The following ANK2 variants were observed in gnomAD, a reference collection of about 807,000 sequenced individuals.
ANK2 encodes ankyrin 2.
A neutral mutation model predicts 360.5 loss-of-function variants in ANK2; 83 were observed. The observed-to-expected ratio is 0.23, with a 90% CI of 0.19 to 0.28. ANK2 has a LOEUF of 0.28. ANK2 is among the 10% of genes least tolerant of loss of function. ANK2 has a pLI of 1.00. For synonymous variants in ANK2, 1,740 were observed against 1,759.5 expected (o/e 0.99, Z 0.28); for missense variants, 4,201 against 4,795.7 (o/e 0.88, Z 3.66).
intron 14 of ANK2, among the ~76,000 whole-genome samples, chr4:113,268,445 G>C (rs1423190217): frequency 6.6e-6 from 1 of 152,178 alleles, no homozygotes; most frequent in Non-Finnish European, 1.5e-5. Flanking sequence ...AGTTTATTGA[G>C]AGTTTTTAGC....
At chr4:113,255,505 A>T (rs1293309867) in intron 10 of ANK2, among the ~76,000 whole-genome samples, 1 of 152,210 alleles carries the variant, frequency 6.6e-6, no homozygotes. Context: ...TGCATGACAG[A>T]CATACTAATT....
the ANK2 span, among the ~76,000 whole-genome samples, chr4:112,728,636 T>C: frequency 1 from 152,195 of 152,224 alleles, 76,083 homozygotes; most frequent in Non-Finnish European, 1. Flanking sequence ...CCTGTGGTCT[T>C]AGCTACTCTG....
chr4:112,968,016 T>C (rs1240703951), intron 2 of ANK2, among the ~76,000 whole-genome samples: 1 of 152,032 alleles, frequency 6.6e-6, no homozygotes, highest in African/African-American at 2.4e-5. Flanking sequence ...TAAAATTAGA[T>C]GATTTTTATG....
intron 1 of ANK2, among the ~76,000 whole-genome samples, chr4:112,825,577 G>A (rs995904680): frequency 6.6e-6 from 1 of 152,186 alleles, no homozygotes; most frequent in African/African-American, 2.4e-5. Flanking sequence ...AGCAACTGTT[G>A]TAGGGGAGGA....
At chr4:113,232,280 G>C in intron 5 of ANK2, 21 bp downstream of exon 5, 1 of 1,515,958 alleles carries the variant, frequency 6.6e-7, no homozygotes, top group Non-Finnish European at 9.2e-7. Context: ...CAGCCCTAAA[G>C]CCTTGAATTC....
At chr4:113,317,210 G>A (rs2083383530) in intron 24 of ANK2, among the ~76,000 whole-genome samples, 1 of 152,186 alleles carries the variant, frequency 6.6e-6, no homozygotes, top group Non-Finnish European at 1.5e-5. Context: ...GTTTAGAGAG[G>A]AGGAGAAAGA....
intron 26 of ANK2, among the ~76,000 whole-genome samples, chr4:113,327,957 G>A (rs2090873493): frequency 6.6e-6 from 1 of 152,184 alleles, no homozygotes; most frequent in Non-Finnish European, 1.5e-5. Flanking sequence ...CTAACCTGTA[G>A]TTACTTAAAC....
intron 20 of ANK2, among the ~76,000 whole-genome samples, chr4:113,288,868 A>G (rs555484611): frequency 6.6e-5 from 10 of 152,106 alleles, no homozygotes; most frequent in Admixed American, 1.3e-4. Flanking sequence ...GTCAGCCTAG[A>G]CTGCGTGCCT....
At chr4:112,980,736 A>T (rs2042894840) in intron 2 of ANK2, among the ~76,000 whole-genome samples, 1 of 152,244 alleles carries the variant, frequency 6.6e-6, no homozygotes, top group African/African-American at 2.4e-5. Flanking sequence ...TATTTCTGTT[A>T]CTACAGCTGA....
intron 2 of ANK2, among the ~76,000 whole-genome samples, chr4:112,933,342 A>C (rs2154239339): frequency 6.6e-6 from 1 of 152,328 alleles, no homozygotes; most frequent in East Asian, 1.9e-4. Context: ...TTTCAAAATA[A>C]AAAATTAAAC....
At chr4:112,739,705 TCCTTGC>T in the ANK2 span, among the ~76,000 whole-genome samples, 1 of 152,184 alleles carries the variant, frequency 6.6e-6, no homozygotes, top group East Asian at 1.9e-4. Context: ...AGCAATTTCC[TCCTTGC>T]TCCCCTCCTA....
intron 2 of ANK2, among the ~76,000 whole-genome samples, chr4:112,965,551 T>G (rs2036873309): frequency 6.6e-6 from 1 of 152,216 alleles, no homozygotes; most frequent in South Asian, 2.1e-4. Flanking sequence ...CTCAGACCAA[T>G]GTCCTGGAAA....
chr4:113,173,203 T>C (rs1460494631), intron 1 of ANK2, among the ~76,000 whole-genome samples: 2 of 152,222 alleles, frequency 1.3e-5, no homozygotes, highest in Non-Finnish European at 2.9e-5. Context: ...TTTTCAGTCT[T>C]TCCATGTGTA....
intron 2 of ANK2, among the ~76,000 whole-genome samples, chr4:113,037,462 T>C (rs955637714): frequency 1.3e-5 from 2 of 151,948 alleles, no homozygotes; most frequent in Non-Finnish European, 2.9e-5. Context: ...TTTTTGCAAA[T>C]TAACAGGCTG....
intron 34 of ANK2, among the ~76,000 whole-genome samples, chr4:113,345,677 A>G (rs1407855327): frequency 6.6e-6 from 1 of 152,210 alleles, no homozygotes; most frequent in Non-Finnish European, 1.5e-5. Context: ...CACCTTAAAT[A>G]TATGCAATTT....
At chr4:113,179,183 A>C (rs572357809) in intron 2 of ANK2, among the ~76,000 whole-genome samples, 16 of 152,320 alleles carry the variant, frequency 1.1e-4, no homozygotes, top group African/African-American at 3.6e-4. Flanking sequence ...ATATTCAAAG[A>C]TAATATGGCA....
chr4:113,288,509 C>A (rs1269597640), intron 20 of ANK2, 23 bp downstream of exon 20: 9 of 1,592,426 alleles, frequency 5.7e-6, no homozygotes, highest in African/African-American at 2.7e-5. Context: ...TGGTCATTTT[C>A]AATTCCTATA....
At chr4:112,842,564 G>C (rs2062347362) in intron 1 of ANK2, among the ~76,000 whole-genome samples, 1 of 152,194 alleles carries the variant, frequency 6.6e-6, no homozygotes, top group Non-Finnish European at 1.5e-5. Context: ...GCATTAGTTA[G>C]AGATTTTCAT....
At chr4:112,831,153 G>A (rs184757607) in intron 1 of ANK2, among the ~76,000 whole-genome samples, 165 of 152,356 alleles carry the variant, frequency 1.1e-3, no homozygotes, top group African/African-American at 3.3e-3. Flanking sequence ...ACTCTGCAGC[G>A]CCCAGTCCCA....
Sources: allele counts gnomAD v4.1 joint callset (sites outside exome capture counted in the v4.1 genomes callset), GRCh38; gene constraint gnomAD v4.1.1; transcripts MANE v1.5; gene names NCBI Gene and HGNC (gene_info 2026-07-23, HGNC 2026-07-21).